CRTAP: variants seen among roughly 807,000 people sequenced by gnomAD.
The protein encoded by CRTAP is cartilage-associated protein.
A neutral mutation model predicts 42.7 loss-of-function variants in CRTAP; 33 were observed. The ratio of observed to expected loss-of-function variants is 0.77; its 90% CI spans 0.59 to 1.03. The LOEUF (loss-of-function observed/expected upper bound fraction) is 1.03. Among genes scored for constraint, CRTAP ranks in the 50% least tolerant of loss-of-function variants. The probability of loss-of-function intolerance (pLI) is 0.00; values close to 1 mark genes in which losing one functional copy is unlikely to be tolerated. For missense variants in CRTAP, 613 were observed against 533.9 expected (o/e 1.15, Z -1.46); for synonymous variants, 243 against 217.7 (o/e 1.12, Z -1.02).
intron 3 of CRTAP, 81 bp from the exon 4 acceptor site, chr3:33,129,857 CT>C: frequency 6.9e-7 from 1 of 1,447,728 alleles, no homozygotes; most frequent in Non-Finnish European, 9.7e-7. Flanking sequence ...TTTCTTTTAA[CT>C]TTTTCATTTG....
chr3:33,139,502 G>A (rs1324588028), intron 6 of CRTAP, among the ~76,000 whole-genome samples: 1 of 146,968 alleles, frequency 6.8e-6, no homozygotes, highest in African/African-American at 2.5e-5. Context: ...TTGAGACGGA[G>A]TTTCACTCTT....
At position 33,134,286 on chromosome 3, in the gene CRTAP, C is replaced by T. The variant is rs199873397; in HGVS notation, c.1152+21C>T. 133 of 1,458,332 alleles carry T rather than the reference C, an allele frequency of 9.1e-5. 2 individuals carry two copies. The Admixed American group carries it at 1.7e-3, about 19-fold the overall frequency. The allele number at this position is 1,458,332 out of a possible 1,614,324, so 90.3% of individuals were successfully genotyped here. On this transcript the variant is annotated intron_variant, in intron 6 of 6. Transcript: ENST00000320954. The stretch of plus-strand genomic sequence containing the variant: ...ATGAGGTAAGTTTTCATGCTTAGCA[C>T]ATGTCTGGTGGCTACGAGAAAATAT...
intron 1 of CRTAP, among the ~76,000 whole-genome samples, chr3:33,115,877 C>T (rs74874261): frequency 0.013 from 1,911 of 151,658 alleles, 34 homozygotes; most frequent in African/African-American, 0.043. Context: ...TGCTTAGTTA[C>T]AGTTTTATTT....
At chr3:33,134,555 C>A (rs1393615543) in intron 6 of CRTAP, among the ~76,000 whole-genome samples, 1 of 152,216 alleles carries the variant, frequency 6.6e-6, no homozygotes, top group African/African-American at 2.4e-5. Flanking sequence ...TATATAAAAA[C>A]AGTGAATTTT....
At chr3:33,127,962 G>C (rs975145650) in intron 3 of CRTAP, among the ~76,000 whole-genome samples, 74 of 151,876 alleles carry the variant, frequency 4.9e-4, no homozygotes, top group African/African-American at 1.8e-3. Flanking sequence ...TGGCCAGGCT[G>C]GTTTCAAACT....
At chr3:33,139,281 T>C (rs1258625672) in intron 6 of CRTAP, among the ~76,000 whole-genome samples, 1 of 151,876 alleles carries the variant, frequency 6.6e-6, no homozygotes, top group Non-Finnish European at 1.5e-5. Context: ...CTAGGCTAGG[T>C]GACAGAGCAA....
chr3:33,124,765 A>G (rs1017524543), intron 3 of CRTAP, among the ~76,000 whole-genome samples, 186 bp downstream of exon 3: 8 of 152,228 alleles, frequency 5.3e-5, no homozygotes, highest in African/African-American at 1.9e-4. Context: ...AGGGGCTTCT[A>G]GTGAAATCAC....
At chr3:33,129,683 G>A (rs1364695123) in intron 3 of CRTAP, among the ~76,000 whole-genome samples, 4 of 151,366 alleles carry the variant, frequency 2.6e-5, no homozygotes, top group Non-Finnish European at 4.4e-5. Context: ...GACCACAGGC[G>A]CCCACCACGA....
intron 1 of CRTAP, 138 bp downstream of exon 1, chr3:33,114,686 GGTCTCCTCCAAGTC>G: frequency 1.3e-6 from 1 of 760,284 alleles, no homozygotes; most frequent in East Asian, 2.8e-5. Flanking sequence ...CCCTGCCAAA[GGTCTCCTCCAAGTC>G]CTGTCTCCTT....
chr3:33,143,126 G>T lies in CRTAP; in HGVS notation c.*678G>T, dbSNP rs2030626320. On this transcript the variant is annotated 3_prime_UTR_variant, in exon 7 of 7. Transcript: ENST00000320954. ...TTTTTTTGTTTTTCCCAGAAAATCA[G>T]TATTATTTTTTAAATAAGAAAAACA... 6.6e-6 allele frequency: 1 copy of T among 152,186 alleles called. No homozygotes were observed. Among genetic ancestry groups the T allele is most frequent in the African/African-American group, 2.4e-5 (1 of 41,438 alleles). 9.4% of individuals were successfully genotyped at this position (152,186 alleles called of 1,614,324 possible).
intron 1 of CRTAP, among the ~76,000 whole-genome samples, chr3:33,116,173 TG>T (rs1701341003): frequency 6.6e-6 from 1 of 152,206 alleles, no homozygotes; most frequent in African/African-American, 2.4e-5. Context: ...CAGATGAATT[TG>T]AACAAGTGTT....
chr3:33,132,850 C>A, intron 5 of CRTAP, 150 bp downstream of exon 5: 1 of 883,378 alleles, frequency 1.1e-6, no homozygotes, highest in Non-Finnish European at 1.8e-6. Flanking sequence ...GAGGCCGAGG[C>A]GGGCGGATCA....
At chr3:33,125,467 C>A (rs1575516480) in intron 3 of CRTAP, among the ~76,000 whole-genome samples, 2 of 72,814 alleles carry the variant, frequency 2.7e-5, no homozygotes, top group South Asian at 5.4e-4. Flanking sequence ...ACTTTTTATT[C>A]ATTAATCTCT....
chr3:33,129,909 T>C (rs747779936), intron 3 of CRTAP, 30 bp from the exon 4 acceptor site: 1 of 1,606,320 alleles, frequency 6.2e-7, no homozygotes, highest in Non-Finnish European at 8.5e-7. Context: ...ATGGATCCAC[T>C]GCTCTGAAAA....
chr3:33,116,661 G>A lies in CRTAP; in HGVS notation c.471+2113G>A, dbSNP rs76198463. Among the ~76,000 whole-genome samples the A allele has an allele frequency of 2.7e-4, 41 of 152,146 alleles. 1 individual carries two copies. The East Asian group carries it at 7.7e-3, about 29-fold the overall frequency. On this transcript the variant is annotated intron_variant, in intron 1 of 6. Coordinates refer to ENST00000320954, the MANE Select transcript of CRTAP (RefSeq NM_006371.5). ...GTCTGGGATTTGAACCACCATGCCC[G>A]GCCACCATCTTAACATTTTGAGATC...
rs768012717 is a variant in CRTAP at position 33,114,220 on chromosome 3, A to T, written c.143A>T (p.Tyr48Phe). 2 of 1,592,862 alleles carry T rather than the reference A, an allele frequency of 1.3e-6. No homozygotes were observed. Among genetic ancestry groups the T allele is most frequent in the East Asian group, 4.5e-5 (2 of 44,276 alleles). ...GAGCTGATGCCGCTCGAGTCGGCCTACCGGCACGCGCTGGACAAGTACAGC... is the reference window on the plus strand; with the variant it reads ...GAGCTGATGCCGCTCGAGTCGGCCTTCCGGCACGCGCTGGACAAGTACAGC... ...RDELMPLESA[Y>F]RHALDKYSGE... is the part of the protein sequence containing the mutation. The change falls in exon 1 of 7, where the codon TAC becomes TTC. Residue 48 changes from tyrosine (Y) to phenylalanine (F), a missense_variant. Transcript: ENST00000320954.
chr3:33,116,500 G>A (rs982022973), intron 1 of CRTAP, among the ~76,000 whole-genome samples: 1 of 152,012 alleles, frequency 6.6e-6, no homozygotes, highest in East Asian at 1.9e-4. Flanking sequence ...CTGGGATTAC[G>A]GGCATGTGCC....
chr3:33,123,716 G>A lies in CRTAP; in HGVS notation c.622-692G>A, dbSNP rs529085474. ...ACAATCTCAGCTTACTGCCACCTCC[G>A]CCTCCTAGGTTCAAGTGATTCTTGT... is the stretch of plus-strand genomic sequence containing the variant. On this transcript the variant is annotated intron_variant, in intron 2 of 6. Transcript: ENST00000320954. Among the ~76,000 whole-genome samples the A allele has an allele frequency of 1.3e-3, 180 of 135,806 alleles. 1 individual carries two copies. The South Asian group carries it at 0.031, about 23-fold the overall frequency. The allele number at this position is 135,806 out of a possible 152,430, so 89.1% of individuals were successfully genotyped here.
chr3:33,120,606 G>A (rs1007947615), intron 2 of CRTAP, 113 bp downstream of exon 2: 2 of 1,490,210 alleles, frequency 1.3e-6, no homozygotes, highest in Non-Finnish European at 1.8e-6. Flanking sequence ...GGTGACATTT[G>A]CTGAATATTA....
Sources: gnomAD v4.1 joint callset for allele counts (sites outside exome capture counted in the v4.1 genomes callset) on GRCh38, gnomAD v4.1.1 for gene constraint, MANE v1.5 for transcripts, NCBI Gene and HGNC (gene_info 2026-07-23, HGNC 2026-07-21) for gene names.